Variants in ZNF423 observed in about 807,000 individuals in gnomAD.
ZNF423 encodes zinc finger protein 423.
In ZNF423, 12 loss-of-function variants were observed where a neutral mutation model predicts 95.8. The observed-to-expected ratio is 0.13, with a 90% CI of 0.08 to 0.20. The LOEUF is 0.20. Among genes scored for constraint, ZNF423 ranks in the 10% least tolerant of loss-of-function variants. ZNF423 has a pLI of 1.00. For missense variants in ZNF423, 1,316 were observed against 1,737.1 expected (o/e 0.76, Z 4.31); for synonymous variants, 749 against 711.9 (o/e 1.05, Z -0.83).
chr16:49,844,152 C>T (rs1196849438), intron 1 of ZNF423, among the ~76,000 whole-genome samples: 2 of 151,216 alleles, frequency 1.3e-5, no homozygotes, highest in South Asian at 2.1e-4. Flanking sequence ...CATGGTGACT[C>T]GCACCTATAG....
intron 1 of ZNF423, among the ~76,000 whole-genome samples, chr16:49,832,790 G>A (rs1353028370): frequency 2.0e-5 from 3 of 151,884 alleles, no homozygotes; most frequent in African/African-American, 7.3e-5. Flanking sequence ...GAAGAGACAT[G>A]CCCACCTACA....
chr16:49,685,357 A>G (rs2031523839), intron 3 of ZNF423, among the ~76,000 whole-genome samples: 1 of 152,192 alleles, frequency 6.6e-6, no homozygotes, highest in African/African-American at 2.4e-5. Flanking sequence ...GGATAGAGCA[A>G]TGGAGGTTCC....
chr16:49,722,412 A>G (rs2032892665), intron 3 of ZNF423, among the ~76,000 whole-genome samples: 1 of 152,332 alleles, frequency 6.6e-6, no homozygotes, highest in African/African-American at 2.4e-5. Flanking sequence ...ACAGCACTTC[A>G]TCACACAAGT....
intron 5 of ZNF423, among the ~76,000 whole-genome samples, chr16:49,551,660 G>C (rs918385776): frequency 2.6e-5 from 4 of 152,222 alleles, no homozygotes; most frequent in African/African-American, 9.6e-5. Flanking sequence ...CTGGGATCCA[G>C]AGAGGAGGAT....
chr16:49,513,692 G>A (rs553051455), intron 7 of ZNF423, among the ~76,000 whole-genome samples: 1 of 151,822 alleles, frequency 6.6e-6, no homozygotes, highest in African/African-American at 2.4e-5. Context: ...GATGGCAAAG[G>A]GTGTCTTCAC....
At position 49,855,046 on chromosome 16, in the gene ZNF423, A is replaced by G. The variant is rs1468763760; in HGVS notation, c.40+689T>C. 5 of 983,522 alleles carry G rather than the reference A, an allele frequency of 5.1e-6. No homozygotes were observed. The South Asian group carries it at 1.9e-4, about 37-fold the overall frequency. 60.9% of individuals were successfully genotyped at this position (983,522 alleles called of 1,614,324 possible). A position where few individuals can be genotyped will look rare whatever the true frequency, so the allele number is the denominator to read the frequency against. ...GCGTCCCGCCGGCGCCGTGCAGACA[A>G]TGAACTCCTGGCGGAGGCTCCCTGC... On this transcript the variant is annotated intron_variant, in intron 1 of 7. Coordinates refer to ENST00000563137, the MANE Select transcript of ZNF423 (RefSeq NM_001379286.1). This position sits in a 1 kb window ranked among gnomAD's most constrained non-coding sequence, Gnocchi z 4.7.
At chr16:49,710,225 G>A (rs2032500183) in intron 3 of ZNF423, among the ~76,000 whole-genome samples, 1 of 152,170 alleles carries the variant, frequency 6.6e-6, no homozygotes. Flanking sequence ...TGCTCGTCAT[G>A]TCTAGTTTTG....
intron 1 of ZNF423, among the ~76,000 whole-genome samples, chr16:49,802,992 C>T (rs1427460852): frequency 6.6e-6 from 1 of 152,162 alleles, no homozygotes; most frequent in African/African-American, 2.4e-5. Context: ...CGATGGCTCA[C>T]ACTTGCAATT....
At chr16:49,659,863 G>A (rs754718655) in intron 3 of ZNF423, among the ~76,000 whole-genome samples, 4 of 152,160 alleles carry the variant, frequency 2.6e-5, no homozygotes, top group Admixed American at 1.3e-4. Flanking sequence ...GCAGCTCCAC[G>A]GTCCCCAAAT....
intron 2 of ZNF423, among the ~76,000 whole-genome samples, chr16:49,786,830 G>A (rs2143809015): frequency 6.6e-6 from 1 of 152,342 alleles, no homozygotes; most frequent in African/African-American, 2.4e-5. Flanking sequence ...GGATGGCCTG[G>A]GAGGTTTTGC....
chr16:49,544,550 G>A (rs557263012), intron 5 of ZNF423, among the ~76,000 whole-genome samples: 1 of 152,352 alleles, frequency 6.6e-6, no homozygotes, highest in East Asian at 1.9e-4. Flanking sequence ...TCCGTGACAG[G>A]TGAGGATCAC....
In ZNF423 at chr16:49,634,395, G is replaced by A. The variant is rs138529292; in HGVS notation, c.3516+1265C>T. 3.4e-3 allele frequency among the ~76,000 whole-genome samples: 516 copies of A among 152,166 alleles called. 2 individuals carry two copies. Among genetic ancestry groups the A allele is most frequent in the Non-Finnish European group, 5.6e-3 (380 of 67,998 alleles). On this transcript the variant is annotated intron_variant, in intron 4 of 7. Transcript: ENST00000563137. ...GTCCTCTCTTCAGGAAGATATCCAC[G>A]GACGGGTCCCCTGGCCCTCTTGGCT... is the stretch of plus-strand genomic sequence containing the variant.
At chr16:49,656,992 C>T (rs1458275587) in intron 3 of ZNF423, among the ~76,000 whole-genome samples, 15 of 152,122 alleles carry the variant, frequency 9.9e-5, no homozygotes, top group East Asian at 1.9e-4. Flanking sequence ...CTAACCACCG[C>T]GGGATATGAG....
chr16:49,738,893 C>A (rs759913571), intron 2 of ZNF423, among the ~76,000 whole-genome samples: 1 of 151,994 alleles, frequency 6.6e-6, no homozygotes, highest in Non-Finnish European at 1.5e-5. Context: ...CCAGAGAACC[C>A]AACTGTACAG....
At chr16:49,521,397 C>A (rs1023438022) in intron 7 of ZNF423, among the ~76,000 whole-genome samples, 1 of 152,190 alleles carries the variant, frequency 6.6e-6, no homozygotes, top group Non-Finnish European at 1.5e-5. Context: ...GGTAGCTGGG[C>A]CACTCAGGTA....
At chr16:49,544,520 C>T (rs78614031) in intron 5 of ZNF423, among the ~76,000 whole-genome samples, 4,171 of 152,288 alleles carry the variant, frequency 0.027, 83 homozygotes, top group Middle Eastern at 0.058. Context: ...CGAGGTAACA[C>T]CAAGGGGGAA....
rs184370732 is a variant in ZNF423 at position 49,539,993 on chromosome 16, G to A, written c.3602-14499C>T. Among the ~76,000 whole-genome samples, 484 of 152,190 alleles carry A rather than the reference G, an allele frequency of 3.2e-3. 3 individuals are homozygous for A. The highest frequency in any genetic ancestry group is 5.9e-3 in the Non-Finnish European group (403 of 68,006). On this transcript the variant is annotated intron_variant, in intron 5 of 7. Coordinates refer to ENST00000563137, the MANE Select transcript of ZNF423 (RefSeq NM_001379286.1). Reference sequence around the variant, plus strand: ...ACCCAGGGCCCAGGATGCAGGAGCCGCTCTAAGAGGGCAGGCAGAAGGGCA... The same window carrying A: ...ACCCAGGGCCCAGGATGCAGGAGCCACTCTAAGAGGGCAGGCAGAAGGGCA...
intron 2 of ZNF423, among the ~76,000 whole-genome samples, chr16:49,747,374 G>T (rs1447260319): frequency 1.3e-5 from 2 of 152,034 alleles, no homozygotes; most frequent in African/African-American, 2.4e-5. Context: ...GTAAAATATG[G>T]TATCTATATT....
intron 2 of ZNF423, 99 bp downstream of exon 2, chr16:49,789,388 G>A (rs2160286): frequency 1.7e-5 from 20 of 1,212,052 alleles, no homozygotes; most frequent in South Asian, 6.9e-5. Flanking sequence ...AATGTGACAC[G>A]AAGAATATCA....
Sources: allele counts gnomAD v4.1 joint callset (sites outside exome capture counted in the v4.1 genomes callset), GRCh38; gene constraint gnomAD v4.1.1; non-coding constraint Gnocchi (gnomAD v3.1); transcripts MANE v1.5; gene names NCBI Gene and HGNC (gene_info 2026-07-23, HGNC 2026-07-21).